The following PIK3C3 variants were observed in gnomAD, a reference collection of about 807,000 sequenced individuals.
PIK3C3 encodes the protein PI3-kinase type 3.
A neutral mutation model predicts 126.1 loss-of-function variants in PIK3C3; 95 were observed. That is an observed-to-expected ratio of 0.75 (90% CI 0.64 to 0.89). The LOEUF is 0.89. Among genes scored for constraint, PIK3C3 ranks in the 40% least tolerant of loss-of-function variants. PIK3C3 has a pLI of 0.00. For synonymous variants in PIK3C3, 374 were observed against 360.0 expected (o/e 1.04, Z -0.44); for missense variants, 829 against 1,063.2 (o/e 0.78, Z 3.06).
At chr18:42,017,702 G>C (rs1983137512) in intron 12 of PIK3C3, among the ~76,000 whole-genome samples, 1 of 151,846 alleles carries the variant, frequency 6.6e-6, no homozygotes, top group African/African-American at 2.4e-5. Context: ...CTTAAAACCT[G>C]TTTTGTCTGA....
chr18:42,019,682 T>C (rs558432388), intron 12 of PIK3C3, among the ~76,000 whole-genome samples: 1 of 152,268 alleles, frequency 6.6e-6, no homozygotes, highest in Non-Finnish European at 1.5e-5. Context: ...GTTGTGTTAA[T>C]AAACTCAAAT....
Position 42,086,532 on chromosome 18 carries a change from A to C in PIK3C3, c.*5395A>C, listed in dbSNP as rs1159932231. On this transcript the variant is annotated 3_prime_UTR_variant, in exon 25 of 25. Coordinates refer to ENST00000262039, the MANE Select transcript of PIK3C3 (RefSeq NM_002647.4). The stretch of plus-strand genomic sequence containing the variant: ...GTCACAAAGACCTTGCTGATAAAAC[A>C]GTCTGTGGTAAAGAAGCCAGCCAAA... The C allele has an allele frequency of 6.6e-6, 1 of 152,244 alleles. No individual in the cohort carries two copies. The highest frequency in any genetic ancestry group is 1.5e-5 in the Non-Finnish European group (1 of 68,048). The allele number at this position is 152,244 out of a possible 1,614,324, so 9.4% of individuals were successfully genotyped here.
rs190557600 is a variant in PIK3C3 at position 41,977,946 on chromosome 18, T to A, written c.531+7490T>A. Among the ~76,000 whole-genome samples, 798 of 152,236 alleles carry A rather than the reference T, an allele frequency of 5.2e-3. 6 individuals carry two copies. The highest frequency in any genetic ancestry group is 6.1e-3 in the Non-Finnish European group (414 of 68,014). On this transcript the variant is annotated intron_variant, in intron 4 of 24. Coordinates refer to ENST00000262039, the MANE Select transcript of PIK3C3 (RefSeq NM_002647.4). ...AAAGGACACTGCTTCTCTAGACCAA[T>A]TTTTTGTTTGTTTTTGTTTGTTTGT...
In PIK3C3 at chr18:42,007,459, T is replaced by C. The variant is rs534197078; in HGVS notation, c.1170+2918T>C. On this transcript the variant is annotated intron_variant, in intron 10 of 24. Coordinates refer to ENST00000262039, the MANE Select transcript of PIK3C3 (RefSeq NM_002647.4). ...CAGAATCTTAAGTGGAATTACATTA[T>C]GTTTGCATATTATAAAAATATTGAC... Among the ~76,000 whole-genome samples the C allele has an allele frequency of 7.2e-5, 11 of 152,312 alleles. No individual in the cohort carries two copies. In the East Asian group the frequency reaches 2.1e-3, roughly 29 times the overall value.
chr18:42,027,961 T>C (rs1425281270), intron 14 of PIK3C3, among the ~76,000 whole-genome samples: 1 of 152,146 alleles, frequency 6.6e-6, no homozygotes, highest in Non-Finnish European at 1.5e-5. Context: ...TGGCCTGGTT[T>C]AGCGGTTGAA....
chr18:41,993,546 A>G (rs1446887214), intron 7 of PIK3C3, among the ~76,000 whole-genome samples: 1 of 152,100 alleles, frequency 6.6e-6, no homozygotes, highest in East Asian at 1.9e-4. Flanking sequence ...AGGTAAGGGT[A>G]GAGTAGGGTT....
intron 15 of PIK3C3, among the ~76,000 whole-genome samples, chr18:42,029,754 G>C (rs1983744160): frequency 2.0e-5 from 3 of 151,546 alleles, no homozygotes; most frequent in African/African-American, 7.3e-5. Context: ...TGTTGGTCAG[G>C]CTGGTCTCAA....
intron 21 of PIK3C3, among the ~76,000 whole-genome samples, chr18:42,052,011 G>T (rs942036802): frequency 1.3e-5 from 2 of 151,550 alleles, no homozygotes; most frequent in South Asian, 4.1e-4. Context: ...AAATAAAAAA[G>T]AATTTGCCAG....
intron 4 of PIK3C3, among the ~76,000 whole-genome samples, chr18:41,975,129 C>G (rs1034718979): frequency 2.6e-5 from 4 of 152,206 alleles, no homozygotes; most frequent in Non-Finnish European, 5.9e-5. Flanking sequence ...GTGTTTCAGG[C>G]TGAACCACAG....
chr18:42,040,751 C>T lies in PIK3C3; in HGVS notation c.2103+10C>T, dbSNP rs775674693. 1.9e-6 allele frequency: 3 copies of T among 1,555,218 alleles called. No homozygotes were observed. The East Asian group carries it at 6.8e-5, about 35-fold the overall frequency. On this transcript the variant is annotated intron_variant, in intron 19 of 24. Coordinates refer to ENST00000262039, the MANE Select transcript of PIK3C3 (RefSeq NM_002647.4). Reference sequence around the variant, plus strand: ...AGAGGGAAGCATTCAGGTATGGTATCAATAAAGATTATGCAATTCATGAAT... The same window carrying T: ...AGAGGGAAGCATTCAGGTATGGTATTAATAAAGATTATGCAATTCATGAAT...
Position 42,046,562 on chromosome 18 carries a change from T to C in PIK3C3, c.2188+2745T>C, listed in dbSNP as rs538490690. 1.4e-4 allele frequency among the ~76,000 whole-genome samples: 22 copies of C among 152,268 alleles called. No individual in the cohort carries two copies. In the South Asian group the frequency reaches 4.4e-3, roughly 30 times the overall value. Reference sequence around the variant, plus strand: ...TGTATCTCACATGGAATAAAAAAACTAACAACATTGTTTTGACAAGATTTT... The same window carrying C: ...TGTATCTCACATGGAATAAAAAAACCAACAACATTGTTTTGACAAGATTTT... On this transcript the variant is annotated intron_variant, in intron 20 of 24. Coordinates refer to ENST00000262039, the MANE Select transcript of PIK3C3 (RefSeq NM_002647.4).
chr18:42,004,988 T>A (rs1982474335), intron 10 of PIK3C3, among the ~76,000 whole-genome samples: 1 of 152,228 alleles, frequency 6.6e-6, no homozygotes, highest in East Asian at 1.9e-4. Context: ...CTTCCTCTCC[T>A]TCAAACTCGC....
intron 4 of PIK3C3, among the ~76,000 whole-genome samples, chr18:41,987,119 G>A (rs1598870360): frequency 1.1e-5 from 1 of 91,916 alleles, no homozygotes; most frequent in East Asian, 4.2e-4. Flanking sequence ...AGGAATGAGA[G>A]GGGTGTTGAT....
chr18:41,957,734 A>G lies in PIK3C3; in HGVS notation c.233A>G (p.Tyr78Cys). The change falls in exon 2 of 25, where the codon TAC becomes TGC. Residue 78 changes from tyrosine (Y) to cysteine (C), a missense_variant. Tyr to Cys is a radical substitution (Grantham distance 194). Coordinates refer to ENST00000262039, the MANE Select transcript of PIK3C3 (RefSeq NM_002647.4). ...KPLALPVRTS[Y>C]KAFSTRWNWN... ...TTGGCCTTGCCAGTGAGAACATCCT[A>G]CAAAGCATTTAGTACAAGATGGAAG... The G allele has an allele frequency of 6.2e-7, 1 of 1,612,962 alleles. No individual in the cohort carries two copies. The highest frequency in any genetic ancestry group is 1.1e-5 in the South Asian group (1 of 91,030).
chr18:42,054,136 A>ATATATCTATATATATATC (rs1568002634), intron 21 of PIK3C3, among the ~76,000 whole-genome samples: 4 of 12,266 alleles, frequency 3.3e-4, no homozygotes, highest in Non-Finnish European at 6.1e-4. Flanking sequence ...GTATATATAT[A>ATATATCTATATATATATC]TATATATATA....
At chr18:42,051,217 G>C (rs1377194704) in intron 21 of PIK3C3, 1 of 152,136 alleles carries the variant, frequency 6.6e-6, no homozygotes, top group African/African-American at 2.4e-5. Flanking sequence ...TTGTCCATTG[G>C]GGTTACCCCC....
intron 24 of PIK3C3, among the ~76,000 whole-genome samples, chr18:42,068,964 A>AAG (rs1985662708): frequency 6.6e-6 from 1 of 151,920 alleles, no homozygotes; most frequent in Non-Finnish European, 1.5e-5. Context: ...AAAAAAAAAA[A>AAG]AAAAGAAATA....
Position 42,081,477 on chromosome 18 carries a change from G to T in PIK3C3, c.*340G>T. 1 of 240,818 alleles carries T rather than the reference G, an allele frequency of 4.2e-6. No individual in the cohort carries two copies. Among genetic ancestry groups the T allele is most frequent in the Non-Finnish European group, 8.0e-6 (1 of 125,270 alleles). The allele number at this position is 240,818 out of a possible 1,614,324, so 14.9% of individuals were successfully genotyped here. On this transcript the variant is annotated 3_prime_UTR_variant, in exon 25 of 25. Coordinates refer to ENST00000262039, the MANE Select transcript of PIK3C3 (RefSeq NM_002647.4). ...AATAGTAAAACATTTTAGTTTTTGA[G>T]TTTAAAATGTTATTTTTTCCTCTTA... is the stretch of plus-strand genomic sequence containing the variant.
chr18:41,997,854 G>T lies in PIK3C3; in HGVS notation c.984+1124G>T, dbSNP rs141123798. On this transcript the variant is annotated intron_variant, in intron 9 of 24. Coordinates refer to ENST00000262039, the MANE Select transcript of PIK3C3 (RefSeq NM_002647.4). ...AAAGTCAGTGAAGACGTAGAAAAGA[G>T]AATTATAGAGAAAACATTTTCAACA... Among the ~76,000 whole-genome samples the T allele has an allele frequency of 2.6e-3, 403 of 152,188 alleles. 1 individual carries two copies. The highest frequency in any genetic ancestry group is 4.3e-3 in the South Asian group (21 of 4,828).
Sources: allele counts gnomAD v4.1 joint callset (sites outside exome capture counted in the v4.1 genomes callset), GRCh38; gene constraint gnomAD v4.1.1; transcripts MANE v1.5; gene names NCBI Gene and HGNC (gene_info 2026-07-23, HGNC 2026-07-21).